DNAH17: variants seen among roughly 807,000 people sequenced by gnomAD.
The protein encoded by DNAH17 is dynein axonemal heavy chain 17, also known as axonemal beta dynein heavy chain 17.
In DNAH17, 376 loss-of-function variants were observed where a neutral mutation model predicts 485.6. That is an observed-to-expected ratio of 0.77 (90% CI 0.71 to 0.84). The LOEUF (loss-of-function observed/expected upper bound fraction) is 0.84. DNAH17 is among the 40% of genes least tolerant of loss of function. The probability of loss-of-function intolerance (pLI) is 0.00; values close to 1 mark genes in which losing one functional copy is unlikely to be tolerated. For missense variants in DNAH17, 6,370 were observed against 5,839.3 expected (o/e 1.09, Z -2.96); for synonymous variants, 3,031 against 2,405.9 (o/e 1.26, Z -7.60).
At chr17:78,546,130 G>A (rs146635891) in intron 16 of DNAH17, among the ~76,000 whole-genome samples, 110 of 152,292 alleles carry the variant, frequency 7.2e-4, no homozygotes, top group Non-Finnish European at 1.1e-3. Context: ...GTGTTGTCCA[G>A]CCTGAGCAAC....
In DNAH17 at chr17:78,566,634, A is replaced by C; in HGVS notation, c.1549T>G (p.Cys517Gly). The change falls in exon 11 of 81, where the codon TGT (cysteine) becomes GGT (glycine). Residue 517 changes from cysteine (C) to glycine (G), a missense_variant. Transcript: ENST00000389840. ...IFCQGFDDCS[C>G]IKSSAKLLYM... The stretch of plus-strand genomic sequence containing the variant: ...CTTACCTTTGCGGAGGACTTGATAC[A>C]GCTGCAGTCATCAAATCCTTGGCAA... The C allele has an allele frequency of 6.2e-7, 1 of 1,608,490 alleles. No homozygotes were observed. Among genetic ancestry groups the C allele is most frequent in the Non-Finnish European group, 8.5e-7 (1 of 1,177,344 alleles).
chr17:78,428,489 C>G (rs1179363583), intron 77 of DNAH17, 36 bp downstream of exon 77: 2 of 1,559,150 alleles, frequency 1.3e-6, no homozygotes, highest in Admixed American at 1.9e-5. Context: ...GATCCTCCCC[C>G]TTCCTCTCGC....
Position 78,529,649 on chromosome 17 carries a change from C to T in DNAH17, c.3330G>A (p.Leu1110=). 1 of 1,613,970 alleles carries T rather than the reference C, an allele frequency of 6.2e-7. No individual in the cohort carries two copies. Among genetic ancestry groups the T allele is most frequent in the Non-Finnish European group, 8.5e-7 (1 of 1,179,866 alleles). Reference sequence around the variant, plus strand: ...AGTCCCCCTCCTTGAGGGGCTTGGTCAAGCCCATTCTGGCGACTTTCATGA... The same window carrying T: ...AGTCCCCCTCCTTGAGGGGCTTGGTTAAGCCCATTCTGGCGACTTTCATGA... ...EAFMKVARMG[L]TKPLKEGDYD... The change falls in exon 22 of 81, where the codon TTG becomes TTA. Residue 1110 remains leucine, a synonymous_variant. Coordinates refer to ENST00000389840, the MANE Select transcript of DNAH17 (RefSeq NM_173628.4).
chr17:78,476,544 G>C, intron 52 of DNAH17, 28 bp downstream of exon 52: 2 of 1,594,458 alleles, frequency 1.3e-6, no homozygotes, highest in Non-Finnish European at 1.7e-6. Context: ...TTCTGGGCTC[G>C]GCAGAGGGAC....
intron 19 of DNAH17, among the ~76,000 whole-genome samples, chr17:78,536,527 A>G (rs957567266): frequency 1.3e-5 from 2 of 151,908 alleles, no homozygotes. Context: ...AAAAAAATAC[A>G]TCACCAAGCT....
intron 25 of DNAH17, among the ~76,000 whole-genome samples, chr17:78,523,630 T>C (rs1319256520): frequency 6.6e-6 from 1 of 152,218 alleles, no homozygotes; most frequent in Non-Finnish European, 1.5e-5. Flanking sequence ...CATGAGAAGA[T>C]ACTGGAGGCT....
chr17:78,428,190 T>C (rs1598433605), intron 77 of DNAH17: 1 of 394,976 alleles, frequency 2.5e-6, no homozygotes, highest in African/African-American at 2.1e-5. Flanking sequence ...CAGGCCAGGG[T>C]GGGGAATGGT....
intron 75 of DNAH17, among the ~76,000 whole-genome samples, chr17:78,432,365 G>C (rs922198216): frequency 7.3e-6 from 1 of 137,056 alleles, no homozygotes. Flanking sequence ...GAAATGTCCG[G>C]CCGGCACCCT....
At chr17:78,449,642 C>T (rs960515400) in intron 68 of DNAH17, 58 bp from the exon 69 acceptor site, 11 of 1,481,870 alleles carry the variant, frequency 7.4e-6, no homozygotes, top group East Asian at 4.9e-5. Flanking sequence ...CTTCACCACT[C>T]CCCGCCACCA....
At chr17:78,562,820 G>A (rs974129769) in intron 11 of DNAH17, among the ~76,000 whole-genome samples, 5 of 152,310 alleles carry the variant, frequency 3.3e-5, no homozygotes, top group East Asian at 3.9e-4. Flanking sequence ...AATGTGTTTC[G>A]CTCTGAGAAA....
intron 11 of DNAH17, among the ~76,000 whole-genome samples, chr17:78,562,519 G>A (rs1385191368): frequency 6.6e-6 from 1 of 152,160 alleles, no homozygotes; most frequent in Non-Finnish European, 1.5e-5. Context: ...CTACTCAGGA[G>A]GCTGAGATGG....
chr17:78,504,388 C>T (rs1053384606), intron 31 of DNAH17, among the ~76,000 whole-genome samples: 1 of 151,994 alleles, frequency 6.6e-6, no homozygotes, highest in Admixed American at 6.6e-5. Context: ...TAACTGGAAA[C>T]ACAGTGCAGG....
intron 11 of DNAH17, among the ~76,000 whole-genome samples, chr17:78,564,356 A>G (rs1280170942): frequency 6.6e-6 from 1 of 151,030 alleles, no homozygotes; most frequent in Admixed American, 6.6e-5. Flanking sequence ...CCGGGTGACC[A>G]AGTTACTTAA....
At chr17:78,530,268 C>T in intron 21 of DNAH17, 75 bp downstream of exon 21, 1 of 1,462,288 alleles carries the variant, frequency 6.8e-7, no homozygotes. Flanking sequence ...CAAATGCCAC[C>T]CACTCAAGTG....
chr17:78,568,617 ACT>A (rs2092305753), intron 9 of DNAH17, among the ~76,000 whole-genome samples: 1 of 152,134 alleles, frequency 6.6e-6, no homozygotes, highest in Non-Finnish European at 1.5e-5. Context: ...ACAGGGTCTC[ACT>A]TTGTCGCTCA....
intron 42 of DNAH17, among the ~76,000 whole-genome samples, chr17:78,492,207 G>C (rs1464732242): frequency 6.6e-6 from 1 of 152,078 alleles, no homozygotes; most frequent in East Asian, 1.9e-4. Context: ...CCAACGTCCG[G>C]AGTTCCTTTC....
intron 1 of DNAH17, among the ~76,000 whole-genome samples, chr17:78,575,836 G>C (rs1012768162): frequency 2.0e-5 from 3 of 152,154 alleles, no homozygotes; most frequent in Non-Finnish European, 4.4e-5. Flanking sequence ...CAAGAGAAAA[G>C]GCATGTCAAT....
intron 6 of DNAH17, 67 bp downstream of exon 6, chr17:78,570,881 A>AAAAAAAG: frequency 1.2e-6 from 1 of 812,476 alleles, no homozygotes; most frequent in Admixed American, 3.9e-5. Context: ...AAAAAAAAGA[A>AAAAAAAG]AAAAGAAAAG....
In DNAH17 at chr17:78,463,092, C is replaced by T. The variant is rs765168122; in HGVS notation, c.8941-15G>A. The stretch of plus-strand genomic sequence containing the variant: ...TTGACTTCCCACTACAAAGATGAGA[C>T]AGCCAGTCATCCCTGGGACCCCATC... On this transcript the variant is annotated splice_polypyrimidine_tract_variant and intron_variant, in intron 56 of 80. Transcript: ENST00000389840. The T allele has an allele frequency of 2.2e-5, 36 of 1,610,910 alleles. No homozygotes were observed. In the South Asian group the frequency reaches 3.9e-4, roughly 17 times the overall value.
Sources: allele counts gnomAD v4.1 joint callset (sites outside exome capture counted in the v4.1 genomes callset), GRCh38; gene constraint gnomAD v4.1.1; transcripts MANE v1.5; gene names NCBI Gene and HGNC (gene_info 2026-07-23, HGNC 2026-07-21).